Variants in FBLN2 observed in about 807,000 individuals in gnomAD.
The protein encoded by FBLN2 is fibulin-2.
A neutral mutation model predicts 123.7 loss-of-function variants in FBLN2; 81 were observed. That is an observed-to-expected ratio of 0.65 (90% CI 0.55 to 0.79). The LOEUF (loss-of-function observed/expected upper bound fraction) is 0.79, where lower values mean the gene tolerates loss of function less well. FBLN2 is among the 30% of genes least tolerant of loss of function. The pLI is 0.00. For missense variants in FBLN2, 1,603 were observed against 1,681.3 expected (o/e 0.95, Z 0.81); for synonymous variants, 699 against 701.4 (o/e 1.00, Z 0.05).
intron 15 of FBLN2, 40 bp downstream of exon 15, chr3:13,630,855 A>G: frequency 6.8e-7 from 1 of 1,465,584 alleles, no homozygotes; most frequent in African/African-American, 1.4e-5. Flanking sequence ...CCAGAGAGTC[A>G]CTCCTTTCCC....
At chr3:13,593,746 G>T (rs1704752672) in intron 2 of FBLN2, among the ~76,000 whole-genome samples, 1 of 148,152 alleles carries the variant, frequency 6.7e-6, no homozygotes, top group South Asian at 2.1e-4. Flanking sequence ...GAAGATAATT[G>T]CCCCTAGCCT....
chr3:13,626,528 A>G lies in FBLN2; in HGVS notation c.2380A>G (p.Lys794Glu), dbSNP rs1706045849. The G allele has an allele frequency of 1.3e-6, 2 of 1,558,322 alleles. No homozygotes were observed. Among genetic ancestry groups the G allele is most frequent in the South Asian group, 2.4e-5 (2 of 84,464 alleles). ...CACACTGGGCTCCTTCCACTGCTAC[A>G]AGGCACTCACCTGTGAGCCAGGCTA... ...VNTLGSFHCY[K>E]ALTCEPGYAL... is the part of the protein sequence containing the mutation. The change falls in exon 10 of 18, where the codon AAG becomes GAG. Residue 794 changes from lysine (K) to glutamate (E), a missense_variant. Physicochemically the swap from Lys to Glu is moderately conservative, Grantham distance 56. Transcript: ENST00000404922.
At chr3:13,570,028 C>T (rs902134998) in intron 1 of FBLN2, among the ~76,000 whole-genome samples, 3 of 152,032 alleles carry the variant, frequency 2.0e-5, no homozygotes, top group African/African-American at 7.3e-5. Flanking sequence ...CCTCAGAATG[C>T]AGGTGAGGAT....
In FBLN2 at chr3:13,549,215, G is replaced by A. The variant is rs2125027229; in HGVS notation, c.-42+7G>A. ...CCGAGCGCAGTGCCCCGCGGTGAGT[G>A]CACGCGGCCCCTCCCGCCCGGACTC... On this transcript the variant is annotated splice_region_variant and intron_variant, in intron 1 of 17. Transcript: ENST00000404922. 2.0e-6 allele frequency: 2 copies of A among 983,616 alleles called. No homozygotes were observed. The highest frequency in any genetic ancestry group is 2.4e-6 in the Non-Finnish European group (2 of 829,196). The allele number at this position is 983,616 out of a possible 1,614,324, so 60.9% of individuals were successfully genotyped here.
At chr3:13,634,164 G>A (rs1706369156) in intron 16 of FBLN2, among the ~76,000 whole-genome samples, 1 of 152,206 alleles carries the variant, frequency 6.6e-6, no homozygotes, top group South Asian at 2.1e-4. Context: ...CTCTCTTCCG[G>A]GGCTGAATTT....
At chr3:13,573,378 G>A (rs1015878743) in intron 2 of FBLN2, among the ~76,000 whole-genome samples, 2 of 151,976 alleles carry the variant, frequency 1.3e-5, no homozygotes, top group African/African-American at 4.8e-5. Flanking sequence ...ACTCCCTGCA[G>A]GGAGCCTTCC....
chr3:13,584,047 C>T (rs955741174), intron 2 of FBLN2, among the ~76,000 whole-genome samples: 6 of 152,162 alleles, frequency 3.9e-5, no homozygotes, highest in East Asian at 1.9e-4. Flanking sequence ...AAGTGGGGGC[C>T]GTGGGGACCA....
intron 4 of FBLN2, among the ~76,000 whole-genome samples, chr3:13,610,279 T>C (rs1424716644): frequency 6.6e-6 from 1 of 152,150 alleles, no homozygotes; most frequent in African/African-American, 2.4e-5. Context: ...ATGTCAGGGC[T>C]CCTGGCCATC....
At chr3:13,634,616 G>C (rs1277767393) in intron 16 of FBLN2, among the ~76,000 whole-genome samples, 1 of 152,266 alleles carries the variant, frequency 6.6e-6, no homozygotes, top group African/African-American at 2.4e-5. Context: ...CAGCAGCCTG[G>C]GACCACCCGG....
intron 1 of FBLN2, among the ~76,000 whole-genome samples, chr3:13,550,764 C>T (rs1049156859): frequency 6.6e-6 from 1 of 152,228 alleles, no homozygotes; most frequent in Admixed American, 6.5e-5. Context: ...CCCTCCCCTT[C>T]TGCAGCTGAG....
chr3:13,592,572 T>A (rs868356056), intron 2 of FBLN2, among the ~76,000 whole-genome samples: 2 of 152,260 alleles, frequency 1.3e-5, no homozygotes, highest in Non-Finnish European at 2.9e-5. Flanking sequence ...TAGCTCAGAT[T>A]TGACAGAATT....
chr3:13,567,800 T>TAA (rs35691211), intron 1 of FBLN2, among the ~76,000 whole-genome samples: 2 of 151,664 alleles, frequency 1.3e-5, no homozygotes, highest in South Asian at 2.1e-4. Flanking sequence ...AGACCCTTGT[T>TAA]AAAAAAAATT....
intron 2 of FBLN2, among the ~76,000 whole-genome samples, chr3:13,572,684 C>T (rs1704001905): frequency 6.6e-6 from 1 of 152,260 alleles, no homozygotes; most frequent in Admixed American, 6.5e-5. Flanking sequence ...TAGCCCAGCA[C>T]AGTCAGACAC....
chr3:13,610,098 C>T (rs891385997), intron 4 of FBLN2, among the ~76,000 whole-genome samples: 3 of 152,154 alleles, frequency 2.0e-5, no homozygotes, highest in Non-Finnish European at 4.4e-5. Flanking sequence ...GACAGCCTCA[C>T]TGAGGAGGGG....
intron 1 of FBLN2, among the ~76,000 whole-genome samples, chr3:13,556,608 C>A (rs1244327662): frequency 6.6e-6 from 1 of 152,224 alleles, no homozygotes; most frequent in Non-Finnish European, 1.5e-5. Flanking sequence ...AGCTGCCAGT[C>A]CCTGTGTGAC....
At position 13,598,490 on chromosome 3, in the gene FBLN2, G is replaced by C. The variant is rs542049046; in HGVS notation, c.1307-9572G>C. On this transcript the variant is annotated intron_variant, in intron 2 of 17. Coordinates refer to ENST00000404922, the MANE Select transcript of FBLN2 (RefSeq NM_001004019.2). ...GCTACATAGAAGTGGTGTAAGGGGAGGTGGCCAGTAAGGATTTGCATTCTT... is the reference window on the plus strand; with the variant it reads ...GCTACATAGAAGTGGTGTAAGGGGACGTGGCCAGTAAGGATTTGCATTCTT... 2.6e-5 allele frequency among the ~76,000 whole-genome samples: 4 copies of C among 152,332 alleles called. No homozygotes were observed. In the South Asian group the frequency reaches 8.3e-4, roughly 32 times the overall value.
chr3:13,570,328 A>G lies in FBLN2; in HGVS notation c.-28A>G. 6.7e-7 allele frequency: 1 copy of G among 1,495,938 alleles called. No individual in the cohort carries two copies. Among genetic ancestry groups the G allele is most frequent in the Non-Finnish European group, 8.9e-7 (1 of 1,118,838 alleles). 92.7% of individuals were successfully genotyped at this position (1,495,938 alleles called of 1,614,324 possible). A position where few individuals can be genotyped will look rare whatever the true frequency, so the allele number is the denominator to read the frequency against. On this transcript the variant is annotated 5_prime_UTR_variant, in exon 2 of 18. Transcript: ENST00000404922. Reference sequence around the variant, plus strand: ...TGATTCCCCCAGGGTCTTACAGGAGAGGGGACCGTCCTGGGCTGGCCTGGA... The same window carrying G: ...TGATTCCCCCAGGGTCTTACAGGAGGGGGGACCGTCCTGGGCTGGCCTGGA...
intron 1 of FBLN2, among the ~76,000 whole-genome samples, chr3:13,562,379 C>T (rs534434974): frequency 1.5e-4 from 21 of 136,674 alleles, no homozygotes; most frequent in Admixed American, 1.2e-3. Flanking sequence ...TTTTTTGTGA[C>T]GGAGTCTTGC....
chr3:13,634,750 C>G (rs11711559), intron 16 of FBLN2, among the ~76,000 whole-genome samples: 3 of 152,006 alleles, frequency 2.0e-5, no homozygotes, highest in Non-Finnish European at 4.4e-5. Flanking sequence ...TGAGCTGACC[C>G]GCTACAAGAG....
Sources: allele counts gnomAD v4.1 joint callset (sites outside exome capture counted in the v4.1 genomes callset), GRCh38; gene constraint gnomAD v4.1.1; transcripts MANE v1.5; gene names NCBI Gene and HGNC (gene_info 2026-07-23, HGNC 2026-07-21).